Variants in ZCWPW2 observed in about 807,000 individuals in gnomAD.
ZCWPW2 encodes zinc finger CW-type and PWWP domain containing 2.
In ZCWPW2, 45 loss-of-function variants were observed where a neutral mutation model predicts 46.6. The observed-to-expected ratio is 0.96, with a 90% CI of 0.76 to 1.24. The LOEUF (loss-of-function observed/expected upper bound fraction) is 1.24, where lower values mean the gene tolerates loss of function less well. Ranked by LOEUF, ZCWPW2 falls within the 50% of genes most tolerant of loss-of-function variation. ZCWPW2 has a pLI of 0.00. For missense variants in ZCWPW2, 429 were observed against 403.9 expected (o/e 1.06, Z -0.53); for synonymous variants, 152 against 137.1 (o/e 1.11, Z -0.76).
intron 2 of ZCWPW2, among the ~76,000 whole-genome samples, chr3:28,392,079 C>T (rs1386915997): frequency 6.6e-6 from 1 of 152,078 alleles, no homozygotes; most frequent in Non-Finnish European, 1.5e-5. Flanking sequence ...TAATATGCTG[C>T]CCATGAGACT....
At chr3:28,489,333 C>CT (rs1333610769) in intron 5 of ZCWPW2, among the ~76,000 whole-genome samples, 2 of 151,726 alleles carry the variant, frequency 1.3e-5, no homozygotes, top group Admixed American at 6.6e-5. Flanking sequence ...AGTAAATTTA[C>CT]TTTTTTTTAA....
chr3:28,420,132 A>G (rs1234509521), intron 3 of ZCWPW2, among the ~76,000 whole-genome samples: 3 of 148,798 alleles, frequency 2.0e-5, no homozygotes, highest in African/African-American at 7.4e-5. Context: ...TTGTGTCTGT[A>G]TTTCCTTCAG....
intron 1 of ZCWPW2, among the ~76,000 whole-genome samples, chr3:28,351,154 A>T (rs1029067369): frequency 1.3e-5 from 2 of 150,904 alleles, no homozygotes; most frequent in Admixed American, 6.6e-5. Context: ...ATATATATAT[A>T]TTTTTTAGAA....
At chr3:28,425,880 C>T (rs1056943177) in intron 3 of ZCWPW2, among the ~76,000 whole-genome samples, 18 of 152,156 alleles carry the variant, frequency 1.2e-4, no homozygotes, top group Middle Eastern at 3.4e-3. Context: ...GAGGCCAAGG[C>T]GGGAGGATCA....
At chr3:28,420,808 A>G (rs1050236376) in intron 3 of ZCWPW2, among the ~76,000 whole-genome samples, 17 of 152,000 alleles carry the variant, frequency 1.1e-4, no homozygotes, top group African/African-American at 3.6e-4. Flanking sequence ...TTCGGAAGGC[A>G]AGAGGGAGTA....
intron 4 of ZCWPW2, among the ~76,000 whole-genome samples, chr3:28,445,138 G>A (rs867330901): frequency 6.7e-5 from 10 of 149,452 alleles, no homozygotes; most frequent in African/African-American, 1.7e-4. Context: ...CTAGAGGGAT[G>A]GAACTAATAG....
chr3:28,371,588 G>T (rs1705335951), intron 1 of ZCWPW2, among the ~76,000 whole-genome samples: 2 of 152,144 alleles, frequency 1.3e-5, no homozygotes, highest in African/African-American at 4.8e-5. Context: ...GAGCCCAGGA[G>T]TTTGAGGATA....
intron 6 of ZCWPW2, among the ~76,000 whole-genome samples, chr3:28,497,868 C>A (rs1351586686): frequency 6.6e-6 from 1 of 152,016 alleles, no homozygotes; most frequent in Non-Finnish European, 1.5e-5. Flanking sequence ...GTGCACCTGC[C>A]TGATCACCTC....
At chr3:28,515,286 A>G (rs1282308927) in intron 7 of ZCWPW2, among the ~76,000 whole-genome samples, 1 of 152,120 alleles carries the variant, frequency 6.6e-6, no homozygotes, top group Non-Finnish European at 1.5e-5. Flanking sequence ...AACAATTAGT[A>G]GGTGTTTTGG....
chr3:28,398,554 A>T (rs1266366737), intron 2 of ZCWPW2, among the ~76,000 whole-genome samples: 1 of 152,156 alleles, frequency 6.6e-6, no homozygotes, highest in Non-Finnish European at 1.5e-5. Flanking sequence ...GGATCCACAG[A>T]CCCTCTGAAG....
intron 5 of ZCWPW2, among the ~76,000 whole-genome samples, chr3:28,479,792 C>A (rs984916759): frequency 5.3e-5 from 8 of 152,158 alleles, no homozygotes; most frequent in Non-Finnish European, 1.0e-4. Flanking sequence ...TTTGTTCCTG[C>A]ATTAGTTTGC....
At chr3:28,443,979 C>A (rs1697876861) in intron 4 of ZCWPW2, among the ~76,000 whole-genome samples, 1 of 152,132 alleles carries the variant, frequency 6.6e-6, no homozygotes, top group African/African-American at 2.4e-5. Flanking sequence ...AGCTCACTCA[C>A]AATGAACCAT....
chr3:28,515,253 C>G (rs1354441965), intron 7 of ZCWPW2, among the ~76,000 whole-genome samples: 1 of 152,088 alleles, frequency 6.6e-6, no homozygotes, highest in Non-Finnish European at 1.5e-5. Flanking sequence ...CTCAAATTCT[C>G]AGTTTCTTTA....
At chr3:28,500,242 G>A (rs1700106054) in intron 6 of ZCWPW2, among the ~76,000 whole-genome samples, 1 of 151,916 alleles carries the variant, frequency 6.6e-6, no homozygotes, top group Non-Finnish European at 1.5e-5. Context: ...ATAATTTGTT[G>A]TTGTTTCTAT....
intron 8 of ZCWPW2, among the ~76,000 whole-genome samples, chr3:28,517,570 C>T (rs1340370226): frequency 6.6e-6 from 1 of 152,126 alleles, no homozygotes; most frequent in African/African-American, 2.4e-5. Context: ...AATCTGCTCC[C>T]GTGATGCACT....
chr3:28,466,113 G>A (rs1374570728), intron 4 of ZCWPW2, among the ~76,000 whole-genome samples: 1 of 152,174 alleles, frequency 6.6e-6, no homozygotes, highest in Non-Finnish European at 1.5e-5. Context: ...CTTCTAAGTG[G>A]AAGCTGAACA....
chr3:28,499,710 A>G (rs1700090125), intron 6 of ZCWPW2, among the ~76,000 whole-genome samples: 1 of 152,040 alleles, frequency 6.6e-6, no homozygotes, highest in African/African-American at 2.4e-5. Context: ...TGTTTTAGTC[A>G]TGAAGTCTTT....
At chr3:28,371,250 C>T (rs1315613521) in intron 1 of ZCWPW2, among the ~76,000 whole-genome samples, 1 of 152,010 alleles carries the variant, frequency 6.6e-6, no homozygotes, top group Non-Finnish European at 1.5e-5. Flanking sequence ...AAAAATTTTT[C>T]TGACGCTTGT....
intron 2 of ZCWPW2, among the ~76,000 whole-genome samples, chr3:28,411,050 G>A (rs1159537783): frequency 6.6e-6 from 1 of 151,688 alleles, no homozygotes; most frequent in Non-Finnish European, 1.5e-5. Flanking sequence ...TTATAATCTT[G>A]ATATGAAAAC....
Sources: gnomAD v4.1 joint callset for allele counts (sites outside exome capture counted in the v4.1 genomes callset) on GRCh38, gnomAD v4.1.1 for gene constraint, MANE v1.5 for transcripts, NCBI Gene and HGNC (gene_info 2026-07-23, HGNC 2026-07-21) for gene names.